MTMR12: variants seen among roughly 807,000 people sequenced by gnomAD.
MTMR12 encodes the protein myotubularin related protein 12.
In MTMR12, 33 loss-of-function variants were observed where a neutral mutation model predicts 96.7. The observed-to-expected ratio is 0.34, with a 90% confidence interval of 0.26 to 0.46. The LOEUF (loss-of-function observed/expected upper bound fraction) is 0.46, where lower values mean the gene tolerates loss of function less well. MTMR12 is among the 20% of genes least tolerant of loss of function. The probability of loss-of-function intolerance (pLI) is 1.00; values close to 1 mark genes in which losing one functional copy is unlikely to be tolerated. For synonymous variants in MTMR12, 298 were observed against 327.2 expected, an observed-to-expected ratio of 0.91 and a Z score of 0.96; for missense variants, 721 against 896.1, an observed-to-expected ratio of 0.80 and a Z score of 2.49.
In MTMR12 at chr5:32,229,876, AG is replaced by A; in HGVS notation, c.2145del (p.Ser716LeufsTer29). On this transcript the variant is annotated frameshift_variant, in exon 16 of 16. Transcript: ENST00000382142. LOFTEE classifies it high-confidence loss of function. ...LFPFALLQRH[S>X]SKPVLPTSGW... ...CCACTGGTGGGTAAGACGGGCTTAG[AG>A]GAATGTCGCTGGAGCAGAGCGAAAG... 6.2e-7 allele frequency: 1 copy of A among 1,611,860 alleles called. No individual in the cohort carries two copies. Among genetic ancestry groups the A allele is most frequent in the Non-Finnish European group, 8.5e-7 (1 of 1,178,782 alleles).
At chr5:32,235,631 C>T (rs983448514) in intron 13 of MTMR12, among the ~76,000 whole-genome samples, 3 of 152,188 alleles carry the variant, frequency 2.0e-5, no homozygotes, top group Admixed American at 6.5e-5. Flanking sequence ...TGGAGACCAA[C>T]GTGGAAGGAG....
chr5:32,233,931 T>C lies in MTMR12; in HGVS notation c.1516A>G (p.Arg506Gly). The change falls in exon 15 of 16, where the codon AGA becomes GGA. Residue 506 changes from arginine (R) to glycine (G), a missense_variant. By Grantham distance (125) the Arg-to-Gly change is moderately radical. Transcript: ENST00000382142. The surrounding 1 kb of genome is among the most constrained non-coding windows in gnomAD (Gnocchi z 5.0). ...TTGCTTTGTGTATCCTGGCCTTCTC[T>C]ACCCTGCCAAAACAAGCACAGGTCA... ...SPHQKDTNMGREGQDTQSKPL... is the reference protein window; with the variant it reads ...SPHQKDTNMGGEGQDTQSKPL... 4 of 1,614,124 alleles carry C rather than the reference T, an allele frequency of 2.5e-6. No homozygotes were observed. The highest frequency in any genetic ancestry group is 8.5e-7 in the Non-Finnish European group (1 of 1,180,008).
At position 32,248,026 on chromosome 5, in the gene MTMR12, T is replaced by C; in HGVS notation, c.997A>G (p.Lys333Glu). The C allele has an allele frequency of 6.2e-7, 1 of 1,614,054 alleles. No homozygotes were observed. The highest frequency in any genetic ancestry group is 8.5e-7 in the Non-Finnish European group (1 of 1,179,942). Reference protein sequence around the residue: ...SLQEIQTAYSKFKQLFLIDNS... With the variant: ...SLQEIQTAYSEFKQLFLIDNS... ...CCTATCAGAAATAGCTGTTTAAATT[T>C]AGAGTATGCAGTCTGGATTTCCTGC... Residue 333 changes from lysine to glutamate, a missense_variant, in exon 10 of 16, where the codon AAA becomes GAA. By Grantham distance (56) the Lys-to-Glu change is moderately conservative. Transcript: ENST00000382142.
At chr5:32,282,421 A>AAATG (rs1750336301) in intron 1 of MTMR12, among the ~76,000 whole-genome samples, 1 of 68,638 alleles carries the variant, frequency 1.5e-5, no homozygotes, top group African/African-American at 5.6e-5. Flanking sequence ...ACTCCATCTA[A>AAATG]AATAAATAAA....
intron 2 of MTMR12, 58 bp downstream of exon 2, chr5:32,276,624 T>G: frequency 7.1e-7 from 1 of 1,406,348 alleles, no homozygotes; most frequent in Non-Finnish European, 1.0e-6. Flanking sequence ...CTAGGGATGA[T>G]GTAATTTATC....
intron 15 of MTMR12, among the ~76,000 whole-genome samples, chr5:32,232,295 C>T (rs1194472984): frequency 1.3e-5 from 2 of 152,240 alleles, no homozygotes; most frequent in African/African-American, 4.8e-5. Flanking sequence ...GATATCTGGT[C>T]TTCTTACCCA....
rs751313884 is a variant in MTMR12 at position 32,235,071 on chromosome 5, G to A, written c.1403C>T (p.Pro468Leu). Residue 468 changes from proline (P) to leucine (L), a missense_variant, in exon 14 of 16, where the codon CCG (proline) becomes CTG (leucine). Physicochemically the swap from Pro to Leu is moderately conservative, Grantham distance 98. Coordinates refer to ENST00000382142, the MANE Select transcript of MTMR12 (RefSeq NM_001040446.3). ...CVWQLVHQHP[P>L]AFEFTETYLT... ...GTAAGTCTCTGTGAATTCAAATGCCGGGGGATGCTGGTGCACCAGCTGCCA... is the reference window on the plus strand; with the variant it reads ...GTAAGTCTCTGTGAATTCAAATGCCAGGGGATGCTGGTGCACCAGCTGCCA... 1.4e-5 allele frequency: 22 copies of A among 1,613,810 alleles called. No individual in the cohort carries two copies. Among genetic ancestry groups the A allele is most frequent in the South Asian group, 5.5e-5 (5 of 91,050 alleles).
intron 1 of MTMR12, among the ~76,000 whole-genome samples, chr5:32,278,562 C>T (rs990045836): frequency 6.6e-6 from 1 of 152,054 alleles, no homozygotes; most frequent in African/African-American, 2.4e-5. Context: ...GACTAAGATG[C>T]CAGTAAACCA....
intron 7 of MTMR12, 124 bp downstream of exon 7, chr5:32,262,989 G>T: frequency 1.6e-6 from 2 of 1,259,240 alleles, no homozygotes; most frequent in Non-Finnish European, 2.2e-6. Flanking sequence ...GTTTCTTTTT[G>T]GGAGGATGAA....
chr5:32,240,172 G>A (rs138297751), intron 12 of MTMR12, among the ~76,000 whole-genome samples: 2,346 of 152,148 alleles, frequency 0.015, 32 homozygotes, highest in Non-Finnish European at 0.024. Context: ...AGGCCGAGGC[G>A]GGTGGATCAC....
At chr5:32,232,272 C>A (rs1461254190) in intron 15 of MTMR12, among the ~76,000 whole-genome samples, 1 of 152,236 alleles carries the variant, frequency 6.6e-6, no homozygotes, top group Non-Finnish European at 1.5e-5. Flanking sequence ...CCGCTCAACA[C>A]ATTGCTCCAC....
rs145268622 is a variant in MTMR12 at position 32,233,952 on chromosome 5, G to C, written c.1513-18C>G. ...TCTCTACCCTGCCAAAACAAGCACA[G>C]GTCATGCTGTTTTCCAGGGAGGGCT... On this transcript the variant is annotated intron_variant, in intron 14 of 15. Transcript: ENST00000382142. This position sits in a 1 kb window ranked among gnomAD's most constrained non-coding sequence, Gnocchi z 5.0. The C allele has an allele frequency of 1.3e-3, 2,091 of 1,613,728 alleles. 24 individuals are homozygous for C. The African/African-American group carries it at 0.024, about 18-fold the overall frequency.
chr5:32,248,132 T>C lies in MTMR12; in HGVS notation c.897-6A>G, dbSNP rs1581599624. 2 of 1,611,862 alleles carry C rather than the reference T, an allele frequency of 1.2e-6. No individual in the cohort carries two copies. The highest frequency in any genetic ancestry group is 1.7e-6 in the Non-Finnish European group (2 of 1,179,060). On this transcript the variant is annotated splice_polypyrimidine_tract_variant and splice_region_variant and intron_variant, in intron 9 of 15. Coordinates refer to ENST00000382142, the MANE Select transcript of MTMR12 (RefSeq NM_001040446.3). ...TGTGGATGGTCTTGTAAATTCTAGG[T>C]ATCAAAAAGGAATATGAGATTAGAA...
intron 13 of MTMR12, 105 bp downstream of exon 13, chr5:32,238,896 T>C: frequency 7.8e-7 from 1 of 1,277,666 alleles, no homozygotes; most frequent in African/African-American, 1.5e-5. Context: ...CCTGTTTGGC[T>C]TACACTTTGC....
At chr5:32,250,317 T>C (rs1344961958) in intron 8 of MTMR12, among the ~76,000 whole-genome samples, 1 of 152,180 alleles carries the variant, frequency 6.6e-6, no homozygotes, top group Non-Finnish European at 1.5e-5. Flanking sequence ...GGGGAGCTGA[T>C]GAGCCCAGCC....
intron 1 of MTMR12, among the ~76,000 whole-genome samples, chr5:32,305,045 T>C (rs1581651083): frequency 6.6e-6 from 1 of 152,318 alleles, no homozygotes; most frequent in East Asian, 1.9e-4. Context: ...GGGTGAGTTC[T>C]GGGAGATTTT....
chr5:32,291,930 G>A (rs979429142), intron 1 of MTMR12, among the ~76,000 whole-genome samples: 1 of 152,190 alleles, frequency 6.6e-6, no homozygotes, highest in Non-Finnish European at 1.5e-5. Context: ...ATATGGGTTT[G>A]CCTATCCTGC....
At chr5:32,303,417 C>G (rs919285175) in intron 1 of MTMR12, among the ~76,000 whole-genome samples, 66 of 152,246 alleles carry the variant, frequency 4.3e-4, no homozygotes, top group African/African-American at 1.3e-3. Context: ...GTACTCCCCC[C>G]CAGAATCCCT....
chr5:32,246,257 C>A (rs1748685085), intron 10 of MTMR12, among the ~76,000 whole-genome samples: 1 of 150,456 alleles, frequency 6.6e-6, no homozygotes, highest in Non-Finnish European at 1.5e-5. Flanking sequence ...ACCTCCACCT[C>A]TCGGGTTCAT....
Sources: gnomAD v4.1 joint callset for allele counts (sites outside exome capture counted in the v4.1 genomes callset) on GRCh38, gnomAD v4.1.1 for gene constraint, Gnocchi (gnomAD v3.1) non-coding constraint, MANE v1.5 for transcripts, NCBI Gene and HGNC (gene_info 2026-07-23, HGNC 2026-07-21) for gene names.